SLC22A7: variants seen among roughly 807,000 people sequenced by gnomAD.
SLC22A7 encodes solute carrier family 22 member 7, also known as hOAT2.
In SLC22A7, 48 loss-of-function variants were observed where a neutral mutation model predicts 62.2. That is an observed-to-expected ratio of 0.77 (90% CI 0.61 to 0.98). The LOEUF (loss-of-function observed/expected upper bound fraction) is 0.98. SLC22A7 is among the 50% of genes least tolerant of loss of function. The pLI, the probability that SLC22A7 is intolerant of heterozygous loss-of-function variation, is 0.00. For missense variants in SLC22A7, 581 were observed against 703.8 expected, an observed-to-expected ratio of 0.83 and a Z score of 1.97; for synonymous variants, 276 against 314.8, an observed-to-expected ratio of 0.88 and a Z score of 1.30.
chr6:43,300,620 G>A lies in SLC22A7; in HGVS notation c.828-515G>A, dbSNP rs541423098. ...ACCTGGGCCTGGGCAAGGAAGTGTG[G>A]GAAGAGGTGTTTTATTTTTATTTTT... On this transcript the variant is annotated intron_variant, in intron 5 of 10. Transcript: ENST00000372585. Among the ~76,000 whole-genome samples, 4 of 152,204 alleles carry A rather than the reference G, an allele frequency of 2.6e-5. No homozygotes were observed. The East Asian group carries it at 7.7e-4, about 29-fold the overall frequency.
At position 43,305,505 on chromosome 6, in the gene SLC22A7, G is replaced by A. The variant is rs1778905548; in HGVS notation, c.*780G>A. The stretch of plus-strand genomic sequence containing the variant: ...AACATTTTATTGAAGAAGCCACAGA[G>A]GCTGAAATTCAATAAACACAAGTTT... On this transcript the variant is annotated 3_prime_UTR_variant, in exon 11 of 11. Transcript: ENST00000372585. 2.3e-6 allele frequency: 1 copy of A among 428,182 alleles called. No individual in the cohort carries two copies. Among genetic ancestry groups the A allele is most frequent in the Non-Finnish European group, 4.2e-6 (1 of 236,234 alleles). 26.5% of individuals were successfully genotyped at this position (428,182 alleles called of 1,614,324 possible).
At position 43,298,687 on chromosome 6, in the gene SLC22A7, C is replaced by T. The variant is rs73625099; in HGVS notation, c.329C>T (p.Thr110Ile). 2.9e-4 allele frequency: 451 copies of T among 1,552,966 alleles called. 1 individual carries two copies. The highest frequency in any genetic ancestry group is 2.6e-3 in the African/African-American group (192 of 73,582). The change falls in exon 1 of 11, where the codon ACA becomes ATA. Residue 110 changes from threonine (T) to isoleucine (I), a missense_variant. Thr to Ile is a moderately conservative substitution (Grantham distance 89). Transcript: ENST00000372585. ...GGGGAGCTGGAGGATGAACCTGCCA[C>T]AGTGCCCTGCTCTCAGGGCTGGGAG... ...SRGELEDEPA[T>I]VPCSQGWEYD...
rs1375784106 is a variant in SLC22A7 at position 43,299,022 on chromosome 6, AG to A, written c.394-69del. 1 of 1,457,452 alleles carries A rather than the reference AG, an allele frequency of 6.9e-7. No individual in the cohort carries two copies. Among genetic ancestry groups the A allele is most frequent in the Middle Eastern group, 1.8e-4 (1 of 5,458 alleles). 90.3% of individuals were successfully genotyped at this position (1,457,452 alleles called of 1,614,324 possible). A position where few individuals can be genotyped will look rare whatever the true frequency, so the allele number is the denominator to read the frequency against. ...TTCAGGGAGTTGAGACAAAGAGCTG[AG>A]AAGGCAATTTCTGCAGCAAGAGGTG... On this transcript the variant is annotated intron_variant, in intron 1 of 10. Coordinates refer to ENST00000372585, the MANE Select transcript of SLC22A7 (RefSeq NM_153320.2). The surrounding 1 kb of genome is among the most constrained non-coding windows in gnomAD (Gnocchi z 4.4).
At chr6:43,297,682 A>G (rs1778591216), upstream of SLC22A7, among the ~76,000 whole-genome samples, 1 of 152,184 alleles carries the variant, frequency 6.6e-6, no homozygotes, top group South Asian at 2.1e-4. Flanking sequence ...AACCATATGT[A>G]TGGGGAGAGT....
rs780745357 is a variant in SLC22A7, at chr6:43,298,422, G to A, written c.64G>A (p.Ala22Thr). 1 of 1,614,084 alleles carries A rather than the reference G, an allele frequency of 6.2e-7. No individual in the cohort carries two copies. The highest frequency in any genetic ancestry group is 8.5e-7 in the Non-Finnish European group (1 of 1,180,020). The change falls in exon 1 of 11, where the codon GCA becomes ACA. Residue 22 changes from alanine (A) to threonine (T), a missense_variant. Coordinates refer to ENST00000372585, the MANE Select transcript of SLC22A7 (RefSeq NM_153320.2). ...TGGGCCCTTCCAACTGCGGAATGTG[G>A]CACTGCTGGCCCTGCCCCGAGTGCT... Reference protein sequence around the residue: ...GFGPFQLRNVALLALPRVLLP... With the variant: ...GFGPFQLRNVTLLALPRVLLP...
rs70953687 is a variant in SLC22A7 at position 43,302,839 on chromosome 6, G to C, written c.1385+76G>C. On this transcript the variant is annotated intron_variant, in intron 9 of 10. Transcript: ENST00000372585. The surrounding 1 kb of genome is among the most constrained non-coding windows in gnomAD (Gnocchi z 5.0). ...TCTTAACCAACACTTCTACATACAC[G>C]CACCACAACCTGGTCTCTCACTCAT... 1.1e-6 allele frequency: 1 copy of C among 941,312 alleles called. No individual in the cohort carries two copies. The highest frequency in any genetic ancestry group is 2.6e-5 in the East Asian group (1 of 38,414). 58.3% of individuals were successfully genotyped at this position (941,312 alleles called of 1,614,324 possible). A position where few individuals can be genotyped will look rare whatever the true frequency, so the allele number is the denominator to read the frequency against.
chr6:43,298,886 T>G, intron 1 of SLC22A7, 135 bp downstream of exon 1: 1 of 1,331,382 alleles, frequency 7.5e-7, no homozygotes, highest in Non-Finnish European at 1.0e-6. Flanking sequence ...ATGGGGGCTA[T>G]GAATATAAGG....
In SLC22A7 at chr6:43,298,394, C is replaced by A; in HGVS notation, c.36C>A (p.Gly12=). The A allele has an allele frequency of 6.2e-7, 1 of 1,613,748 alleles. No individual in the cohort carries two copies. Among genetic ancestry groups the A allele is most frequent in the Non-Finnish European group, 8.5e-7 (1 of 1,179,844 alleles). The change falls in exon 1 of 11, where the codon GGC becomes GGA. Residue 12 remains glycine (G), a synonymous_variant. Transcript: ENST00000372585. ...GFEELLEQVG[G]FGPFQLRNVA... ...AGGAGCTGCTGGAGCAGGTGGGCGG[C>A]TTTGGGCCCTTCCAACTGCGGAATG...
At position 43,302,734 on chromosome 6, in the gene SLC22A7, C is replaced by G; in HGVS notation, c.1356C>G (p.Phe452Leu). 6.2e-7 allele frequency: 1 copy of G among 1,609,750 alleles called. No homozygotes were observed. The highest frequency in any genetic ancestry group is 8.5e-7 in the Non-Finnish European group (1 of 1,177,538). The change falls in exon 9 of 11, where the codon TTC becomes TTG. Residue 452 changes from phenylalanine (F) to leucine (L), a missense_variant. Coordinates refer to ENST00000372585, the MANE Select transcript of SLC22A7 (RefSeq NM_153320.2). The surrounding 1 kb of genome is among the most constrained non-coding windows in gnomAD (Gnocchi z 5.0). The part of the protein sequence containing the change: ...SEAAFTTAYL[F>L]TSELYPTVLR... ...CTGCCTTCACCACTGCCTACCTGTT[C>G]ACTTCAGAGTTGTACCCTACGGTGC... is the stretch of plus-strand genomic sequence containing the variant.
At chr6:43,296,983 G>A (rs1004028981), upstream of SLC22A7, among the ~76,000 whole-genome samples, 13 of 152,224 alleles carry the variant, frequency 8.5e-5, no homozygotes, top group African/African-American at 1.7e-4. Flanking sequence ...GGTAGGGACC[G>A]TGTCTGAGGC....
In SLC22A7 at chr6:43,302,116, G is replaced by A; in HGVS notation, c.1062-84G>A. On this transcript the variant is annotated intron_variant, in intron 7 of 10. Coordinates refer to ENST00000372585, the MANE Select transcript of SLC22A7 (RefSeq NM_153320.2). This position sits in a 1 kb window ranked among gnomAD's most constrained non-coding sequence, Gnocchi z 5.0. Reference sequence around the variant, plus strand: ...GCAGAGACAGAAGGAGATTGCCCTTGTAAAATGCCAAGTCTTCCTGAGAAG... The same window carrying A: ...GCAGAGACAGAAGGAGATTGCCCTTATAAAATGCCAAGTCTTCCTGAGAAG... 1 of 1,289,616 alleles carries A rather than the reference G, an allele frequency of 7.8e-7. No individual in the cohort carries two copies. Among genetic ancestry groups the A allele is most frequent in the Non-Finnish European group, 1.1e-6 (1 of 926,046 alleles). 79.9% of individuals were successfully genotyped at this position (1,289,616 alleles called of 1,614,324 possible).
chr6:43,300,626 G>A (rs1333539834), intron 5 of SLC22A7, among the ~76,000 whole-genome samples: 1 of 152,032 alleles, frequency 6.6e-6, no homozygotes. Flanking sequence ...TGTGGGAAGA[G>A]GTGTTTTATT....
chr6:43,297,344 G>A (rs1778584524), upstream of SLC22A7, among the ~76,000 whole-genome samples: 1 of 152,196 alleles, frequency 6.6e-6, no homozygotes, highest in South Asian at 2.1e-4. Context: ...GTTCAAAGTA[G>A]GAGCTGGATT....
Position 43,304,065 on chromosome 6 carries a change from G to C in SLC22A7, c.1413G>C (p.Leu471=). 6.3e-7 allele frequency: 1 copy of C among 1,588,196 alleles called. No homozygotes were observed. The highest frequency in any genetic ancestry group is 8.6e-7 in the Non-Finnish European group (1 of 1,165,754). Residue 471 remains leucine, a synonymous_variant, in exon 10 of 11, where the codon CTG becomes CTC. Coordinates refer to ENST00000372585, the MANE Select transcript of SLC22A7 (RefSeq NM_153320.2). ...AGACAGGGATGGGGCTGACTGCACT[G>C]GTGGGCCGGCTGGGGGGCTCTTTGG... The part of the protein sequence containing the change: ...LRQTGMGLTA[L]VGRLGGSLAP...
Position 43,305,497 on chromosome 6 carries a change from GC to G in SLC22A7, c.*774del, listed in dbSNP as rs1230525318. On this transcript the variant is annotated 3_prime_UTR_variant, in exon 11 of 11. Coordinates refer to ENST00000372585, the MANE Select transcript of SLC22A7 (RefSeq NM_153320.2). ...TGGGAGCCAACATTTTATTGAAGAA[GC>G]CACAGAGGCTGAAATTCAATAAACA... 2.5e-6 allele frequency: 1 copy of G among 404,860 alleles called. No homozygotes were observed. The highest frequency in any genetic ancestry group is 4.5e-6 in the Non-Finnish European group (1 of 222,220). 25.1% of individuals were successfully genotyped at this position (404,860 alleles called of 1,614,324 possible). A position where few individuals can be genotyped will look rare whatever the true frequency, so the allele number is the denominator to read the frequency against.
At chr6:43,300,280 T>G in intron 5 of SLC22A7, 1 of 602,178 alleles carries the variant, frequency 1.7e-6, no homozygotes, top group Non-Finnish European at 2.9e-6. Flanking sequence ...GAGAACAAGA[T>G]ACAGAGAGTC....
chr6:43,302,429 A>G lies in SLC22A7; in HGVS notation c.1276+15A>G, dbSNP rs758315660. The G allele has an allele frequency of 5.6e-5, 87 of 1,540,178 alleles. No homozygotes were observed. Among genetic ancestry groups the G allele is most frequent in the East Asian group, 1.2e-4 (5 of 42,154 alleles). The stretch of plus-strand genomic sequence containing the variant: ...AGTGTCCTCCGGTGAGCCCAGTCCC[A>G]TAGGTTCTGCCCACCCCAGAAGCCG... On this transcript the variant is annotated intron_variant, in intron 8 of 10. Coordinates refer to ENST00000372585, the MANE Select transcript of SLC22A7 (RefSeq NM_153320.2). The surrounding 1 kb of genome is among the most constrained non-coding windows in gnomAD (Gnocchi z 5.0).
At position 43,302,882 on chromosome 6, in the gene SLC22A7, T is replaced by C; in HGVS notation, c.1385+119T>C. The C allele has an allele frequency of 2.7e-6, 2 of 750,392 alleles. No individual in the cohort carries two copies. Among genetic ancestry groups the C allele is most frequent in the South Asian group, 3.7e-5 (2 of 54,178 alleles). 46.5% of individuals were successfully genotyped at this position (750,392 alleles called of 1,614,324 possible). A position where few individuals can be genotyped will look rare whatever the true frequency, so the allele number is the denominator to read the frequency against. On this transcript the variant is annotated intron_variant, in intron 9 of 10. Transcript: ENST00000372585. The surrounding 1 kb of genome is among the most constrained non-coding windows in gnomAD (Gnocchi z 5.0). ...TCACTCATTTTTTTTTTAATTTTAA[T>C]TTTTGGTAGAGACGGGGTCTTGCTA... is the stretch of plus-strand genomic sequence containing the variant.
At position 43,302,397 on chromosome 6, in the gene SLC22A7, G is replaced by C; in HGVS notation, c.1259G>C (p.Arg420Thr). Residue 420 changes from arginine (R) to threonine (T), a missense_variant, in exon 8 of 11, where the codon AGA (arginine) becomes ACA (threonine). Physicochemically the swap from Arg to Thr is moderately conservative, Grantham distance 71. Coordinates refer to ENST00000372585, the MANE Select transcript of SLC22A7 (RefSeq NM_153320.2). This position sits in a 1 kb window ranked among gnomAD's most constrained non-coding sequence, Gnocchi z 5.0. The part of the protein sequence containing the change: ...LLGTALAFGT[R>T]LLVSSDMKSW... ...GGCACGGCCCTGGCGTTCGGCACTA[G>C]ACTGCTAGTGTCCTCCGGTGAGCCC... The C allele has an allele frequency of 6.3e-7, 1 of 1,599,470 alleles. No homozygotes were observed. Among genetic ancestry groups the C allele is most frequent in the Non-Finnish European group, 8.5e-7 (1 of 1,174,280 alleles).
Sources: allele counts gnomAD v4.1 joint callset (sites outside exome capture counted in the v4.1 genomes callset), GRCh38; gene constraint gnomAD v4.1.1; non-coding constraint Gnocchi (gnomAD v3.1); transcripts MANE v1.5; gene names NCBI Gene and HGNC (gene_info 2026-07-23, HGNC 2026-07-21).